The following SUGCT variants were observed in gnomAD, a reference collection of about 807,000 sequenced individuals.
SUGCT encodes the protein succinyl-CoA:glutarate CoA-transferase.
A neutral mutation model predicts 55.0 loss-of-function variants in SUGCT; 41 were observed. The ratio of observed to expected loss-of-function variants is 0.74; its 90% confidence interval spans 0.58 to 0.97. SUGCT has a LOEUF of 0.97. Among genes scored for constraint, SUGCT ranks in the 50% least tolerant of loss-of-function variants. SUGCT has a pLI of 0.00. For missense variants in SUGCT, 568 were observed against 547.8 expected, an observed-to-expected ratio of 1.04 and a Z score of -0.37; for synonymous variants, 187 against 200.4, an observed-to-expected ratio of 0.93 and a Z score of 0.56.
intron 12 of SUGCT, among the ~76,000 whole-genome samples, chr7:40,536,073 CT>C (rs1311894915): frequency 1.9e-4 from 29 of 152,038 alleles, no homozygotes; most frequent in African/African-American, 6.8e-4. Flanking sequence ...GATATTAGAC[CT>C]TTGTCGAATG....
chr7:40,378,357 T>C (rs1226346062), intron 9 of SUGCT, among the ~76,000 whole-genome samples: 5 of 152,220 alleles, frequency 3.3e-5, no homozygotes, highest in African/African-American at 9.6e-5. Flanking sequence ...TTGACCTACC[T>C]TCAAAGTTAC....
intron 12 of SUGCT, among the ~76,000 whole-genome samples, chr7:40,747,137 G>T (rs921236605): frequency 6.6e-6 from 1 of 152,104 alleles, no homozygotes; most frequent in African/African-American, 2.4e-5. Flanking sequence ...ATTTTATCTG[G>T]CCAGCTCTTG....
intron 9 of SUGCT, among the ~76,000 whole-genome samples, chr7:40,340,171 C>A (rs977435785): frequency 6.6e-6 from 1 of 152,118 alleles, no homozygotes; most frequent in Non-Finnish European, 1.5e-5. Flanking sequence ...TGAGAGAAAT[C>A]ACACTATACA....
chr7:40,196,307 A>AAAT (rs1786288803), intron 6 of SUGCT, among the ~76,000 whole-genome samples: 1 of 152,180 alleles, frequency 6.6e-6, no homozygotes, highest in African/African-American at 2.4e-5. Context: ...TGCATCAGAA[A>AAAT]AATTCATAAT....
At chr7:40,394,224 CAAT>C (rs1160842395) in intron 9 of SUGCT, among the ~76,000 whole-genome samples, 4 of 152,042 alleles carry the variant, frequency 2.6e-5, no homozygotes, top group Non-Finnish European at 5.9e-5. Context: ...TCTGCATCAT[CAAT>C]ATTTTTAAAA....
intron 9 of SUGCT, among the ~76,000 whole-genome samples, chr7:40,324,248 A>ATATAT (rs1562681083): frequency 1.2e-4 from 13 of 111,060 alleles, no homozygotes; most frequent in Admixed American, 2.9e-4. Context: ...TAAATAAATA[A>ATATAT]ATAAATATAT....
intron 9 of SUGCT, among the ~76,000 whole-genome samples, chr7:40,422,682 C>CAA (rs1230911421): frequency 2.6e-5 from 4 of 152,056 alleles, no homozygotes; most frequent in Non-Finnish European, 5.9e-5. Context: ...TTGAATTAAA[C>CAA]ATCAGGTGTC....
chr7:40,865,996 G>A, the SUGCT span, among the ~76,000 whole-genome samples: 2 of 152,012 alleles, frequency 1.3e-5, no homozygotes, highest in Non-Finnish European at 2.9e-5. Flanking sequence ...TTCAACTCCA[G>A]TTAGTTTCTT....
At chr7:40,770,551 G>T (rs1789043099) in intron 13 of SUGCT, among the ~76,000 whole-genome samples, 3 of 152,150 alleles carry the variant, frequency 2.0e-5, no homozygotes, top group Admixed American at 2.0e-4. Flanking sequence ...TCGGGAGAAG[G>T]TTCCTGGAAG....
chr7:40,957,394 G>A, the SUGCT span, among the ~76,000 whole-genome samples: 4 of 144,128 alleles, frequency 2.8e-5, no homozygotes, highest in African/African-American at 1.0e-4. Flanking sequence ...TGTCTTTTTT[G>A]ATCTTTGTTG....
chr7:40,287,773 A>G (rs1283337562), intron 8 of SUGCT, among the ~76,000 whole-genome samples: 3 of 152,170 alleles, frequency 2.0e-5, no homozygotes, highest in Non-Finnish European at 4.4e-5. Flanking sequence ...TGCTGGGATT[A>G]CAAGCATGAG....
chr7:40,635,391 A>G (rs576886589), intron 12 of SUGCT, among the ~76,000 whole-genome samples: 117 of 152,354 alleles, frequency 7.7e-4, no homozygotes, highest in Non-Finnish European at 1.5e-3. Flanking sequence ...ATGAAAGAGA[A>G]GAGCATCAGG....
At chr7:41,007,286 A>T in the SUGCT span, among the ~76,000 whole-genome samples, 1 of 152,204 alleles carries the variant, frequency 6.6e-6, no homozygotes, top group Admixed American at 6.5e-5. Context: ...ATTGGTCTGC[A>T]TGATCCTGTT....
chr7:40,884,199 T>C, the SUGCT span, among the ~76,000 whole-genome samples: 489 of 152,256 alleles, frequency 3.2e-3, no homozygotes, highest in Non-Finnish European at 4.3e-3. Context: ...AAGCCAGCAA[T>C]AGGAAACTGC....
intron 11 of SUGCT, among the ~76,000 whole-genome samples, chr7:40,470,235 A>G (rs1187174267): frequency 1.3e-5 from 2 of 151,938 alleles, no homozygotes; most frequent in Non-Finnish European, 2.9e-5. Flanking sequence ...TGTCCTGCCC[A>G]ATTTCCTGCT....
chr7:40,413,461 T>TA (rs1376082341), intron 9 of SUGCT, among the ~76,000 whole-genome samples: 1 of 152,086 alleles, frequency 6.6e-6, no homozygotes, highest in Non-Finnish European at 1.5e-5. Context: ...ATTTAAATGT[T>TA]AAAAAAATCA....
chr7:40,192,630 C>CT (rs748789860), intron 5 of SUGCT, among the ~76,000 whole-genome samples: 2,117 of 134,784 alleles, frequency 0.016, 64 homozygotes, highest in African/African-American at 0.054. Context: ...TTCTTTCTTT[C>CT]TTTTTTTTTT....
At chr7:40,555,963 CT>C (rs1257060423) in intron 12 of SUGCT, among the ~76,000 whole-genome samples, 1 of 152,030 alleles carries the variant, frequency 6.6e-6, no homozygotes, top group African/African-American at 2.4e-5. Flanking sequence ...GTGTTTGCCC[CT>C]CTTATAATAT....
intron 6 of SUGCT, among the ~76,000 whole-genome samples, chr7:40,203,554 C>T (rs1379280462): frequency 1.3e-5 from 2 of 152,048 alleles, no homozygotes; most frequent in Admixed American, 6.6e-5. Flanking sequence ...GTGGGTAGAT[C>T]GCTTGAGGTC....
Sources: allele counts gnomAD v4.1 joint callset (sites outside exome capture counted in the v4.1 genomes callset), GRCh38; gene constraint gnomAD v4.1.1; transcripts MANE v1.5; gene names NCBI Gene and HGNC (gene_info 2026-07-23, HGNC 2026-07-21).